The following SLF2 variants were observed in gnomAD, a reference collection of about 807,000 sequenced individuals.
SLF2 encodes SMC5-SMC6 complex localization factor protein 2.
A neutral mutation model predicts 124.3 loss-of-function variants in SLF2; 68 were observed. That is an observed-to-expected ratio of 0.55 (90% CI 0.45 to 0.67). SLF2 has a LOEUF of 0.67. Among genes scored for constraint, SLF2 ranks in the 30% least tolerant of loss-of-function variants. The pLI is 0.00. For synonymous variants in SLF2, 480 were observed against 478.8 expected (o/e 1.00, Z -0.03); for missense variants, 1,246 against 1,373.7 (o/e 0.91, Z 1.47).
At chr10:100,916,123 A>G (rs1309617149) in intron 2 of SLF2, 81 bp downstream of exon 2, 1 of 1,073,148 alleles carries the variant, frequency 9.3e-7, no homozygotes, top group African/African-American at 1.6e-5. Flanking sequence ...AACCTACTCT[A>G]AACTGTTTTA....
Position 100,926,005 on chromosome 10 carries a change from G to A in SLF2, c.2028G>A (p.Met676Ile). 1 of 1,613,768 alleles carries A rather than the reference G, an allele frequency of 6.2e-7. No individual in the cohort carries two copies. The highest frequency in any genetic ancestry group is 1.1e-5 in the South Asian group (1 of 91,038). The change falls in exon 6 of 20, where the codon ATG (methionine) becomes ATA (isoleucine). Residue 676 changes from methionine to isoleucine, a missense_variant. Physicochemically the swap from Met to Ile is conservative, Grantham distance 10. Around this residue, in one of 3 missense-constraint regions of SLF2, gnomAD observed 535 missense variants for 632.8 expected, o/e 0.85. Coordinates refer to ENST00000238961, the MANE Select transcript of SLF2 (RefSeq NM_018121.4). ...CCTTAGAACGTCTAGTGAAGGAAATGGAAGACACACAAAGGTTTGTTAGCA... is the reference window on the plus strand; with the variant it reads ...CCTTAGAACGTCTAGTGAAGGAAATAGAAGACACACAAAGGTTTGTTAGCA... ...TNTLERLVKEMEDTQRLDELQ... is the reference protein window; with the variant it reads ...TNTLERLVKEIEDTQRLDELQ...
intron 19 of SLF2, among the ~76,000 whole-genome samples, chr10:100,961,155 G>A (rs879436995): frequency 1.4e-4 from 21 of 151,636 alleles, no homozygotes; most frequent in Non-Finnish European, 2.2e-4. Flanking sequence ...GATTACAGGC[G>A]CCTGCCACCA....
At chr10:100,921,341 CA>C (rs1266831876) in intron 4 of SLF2, among the ~76,000 whole-genome samples, 3 of 152,220 alleles carry the variant, frequency 2.0e-5, no homozygotes, top group African/African-American at 7.2e-5. Context: ...CTCAGCCTCC[CA>C]AAGTGCTGGG....
intron 9 of SLF2, among the ~76,000 whole-genome samples, chr10:100,936,195 T>G (rs1303071733): frequency 6.6e-6 from 1 of 151,972 alleles, no homozygotes; most frequent in African/African-American, 2.4e-5. Flanking sequence ...TACACTCACC[T>G]GAGGCATTAA....
intron 1 of SLF2, among the ~76,000 whole-genome samples, chr10:100,915,664 A>G (rs1849400488): frequency 6.6e-6 from 1 of 152,196 alleles, no homozygotes; most frequent in South Asian, 2.1e-4. Context: ...GATACCCAAG[A>G]TGTTGCATTC....
At position 100,940,000 on chromosome 10, in the gene SLF2, C is replaced by G. The variant is rs572674927; in HGVS notation, c.2654+1264C>G. Among the ~76,000 whole-genome samples the G allele has an allele frequency of 4.6e-5, 7 of 152,228 alleles. No homozygotes were observed. In the East Asian group the frequency reaches 1.4e-3, roughly 29 times the overall value. ...GGAAAAATAGTTTACCCAGCCCATCCAAAAATCCCAACTATTTCCCCTAAA... is the reference window on the plus strand; with the variant it reads ...GGAAAAATAGTTTACCCAGCCCATCGAAAAATCCCAACTATTTCCCCTAAA... On this transcript the variant is annotated intron_variant, in intron 11 of 19. Coordinates refer to ENST00000238961, the MANE Select transcript of SLF2 (RefSeq NM_018121.4).
At chr10:100,923,282 G>A (rs564737215) in intron 4 of SLF2, among the ~76,000 whole-genome samples, 12 of 152,264 alleles carry the variant, frequency 7.9e-5, no homozygotes, top group African/African-American at 1.2e-4. Flanking sequence ...CAATAGGGCC[G>A]TAATGTCTCT....
intron 9 of SLF2, among the ~76,000 whole-genome samples, chr10:100,936,216 C>T (rs1425999339): frequency 6.6e-6 from 1 of 151,882 alleles, no homozygotes; most frequent in African/African-American, 2.4e-5. Context: ...GACTGCTTTC[C>T]TCTTTTCTAG....
chr10:100,964,638 GATACAAA>G lies in SLF2; in HGVS notation c.*2729_*2735del, dbSNP rs1168645626. ...CACAAAAATCTCCTCAAATGTAAAA[GATACAAA>G]ATGGCGTGTTATCATCCAGGCTTAG... On this transcript the variant is annotated 3_prime_UTR_variant, in exon 20 of 20. Coordinates refer to ENST00000238961, the MANE Select transcript of SLF2 (RefSeq NM_018121.4). 1.3e-5 allele frequency: 2 copies of G among 152,610 alleles called. No homozygotes were observed. Among genetic ancestry groups the G allele is most frequent in the African/African-American group, 4.8e-5 (2 of 41,440 alleles). The allele number at this position is 152,610 out of a possible 1,614,324, so 9.5% of individuals were successfully genotyped here.
chr10:100,922,390 A>G (rs556029920), intron 4 of SLF2, among the ~76,000 whole-genome samples: 3 of 152,242 alleles, frequency 2.0e-5, no homozygotes, highest in African/African-American at 7.2e-5. Flanking sequence ...CTAACTAGAG[A>G]AGGGATTGAC....
At chr10:100,961,003 T>TA (rs1850418170) in intron 19 of SLF2, among the ~76,000 whole-genome samples, 2 of 115,202 alleles carry the variant, frequency 1.7e-5, no homozygotes, top group Non-Finnish European at 3.7e-5. Flanking sequence ...TACTTCTTTT[T>TA]TTTTTTTTTT....
Position 100,916,742 on chromosome 10 carries a change from T to C in SLF2, c.357T>C (p.Val119=). 1 of 1,593,970 alleles carries C rather than the reference T, an allele frequency of 6.3e-7. No homozygotes were observed. The highest frequency in any genetic ancestry group is 8.5e-7 in the Non-Finnish European group (1 of 1,172,722). ...TTATAGAAGCTTTCATGAAAGGTGT[T>C]AAAGAGCACCATGAAGATCATGGTA... The part of the protein sequence containing the change: ...SPIIEAFMKG[V]KEHHEDHGIH... Residue 119 remains valine, a synonymous_variant, in exon 3 of 20, where the codon GTT becomes GTC. Transcript: ENST00000238961.
Position 100,926,035 on chromosome 10 carries a change from G to GA in SLF2, c.2042+17dup. On this transcript the variant is annotated intron_variant, in intron 6 of 19. Coordinates refer to ENST00000238961, the MANE Select transcript of SLF2 (RefSeq NM_018121.4). ...ACACACAAAGGTTTGTTAGCATAAA[G>GA]ATTAATTTGCTAAATTTAACATTTT... The GA allele has an allele frequency of 6.2e-7, 1 of 1,614,182 alleles. No homozygotes were observed. Among genetic ancestry groups the GA allele is most frequent in the Non-Finnish European group, 8.5e-7 (1 of 1,180,024 alleles).
rs1415407525 is a variant in SLF2, at chr10:100,962,444, AACC to A, written c.*535_*537del. The A allele has an allele frequency of 2.0e-5, 3 of 152,656 alleles. No homozygotes were observed. The highest frequency in any genetic ancestry group is 7.2e-5 in the African/African-American group (3 of 41,454). The allele number at this position is 152,656 out of a possible 1,614,324, so 9.5% of individuals were successfully genotyped here. A position where few individuals can be genotyped will look rare whatever the true frequency, so the allele number is the denominator to read the frequency against. ...ATAAATCTCTTCTGTAACTTTTATA[AACC>A]ACAGGGAGGTTTCAATCCATGCATT... is the stretch of plus-strand genomic sequence containing the variant. On this transcript the variant is annotated 3_prime_UTR_variant, in exon 20 of 20. Coordinates refer to ENST00000238961, the MANE Select transcript of SLF2 (RefSeq NM_018121.4).
In SLF2 at chr10:100,937,468, AT is replaced by A; in HGVS notation, c.2505del (p.Arg836GlufsTer20). Reference sequence around the variant, plus strand: ...TTTAAGTACATTGATGGAAATAACAATTAGAAATGGTAAGTATATCAACTTA... The same window carrying A: ...TTTAAGTACATTGATGGAAATAACAATAGAAATGGTAAGTATATCAACTTA... Reference protein sequence around the residue: ...QILSTLMEITIRNDTFSDSPV... With the variant: ...QILSTLMEITXRNDTFSDSPV... On this transcript the variant is annotated frameshift_variant, in exon 10 of 20. Coordinates refer to ENST00000238961, the MANE Select transcript of SLF2 (RefSeq NM_018121.4). LOFTEE classifies it high-confidence loss of function. 1 of 1,582,418 alleles carries A rather than the reference AT, an allele frequency of 6.3e-7. No individual in the cohort carries two copies. The highest frequency in any genetic ancestry group is 8.7e-7 in the Non-Finnish European group (1 of 1,151,248).
intron 11 of SLF2, among the ~76,000 whole-genome samples, chr10:100,940,682 C>T (rs1448654550): frequency 6.6e-6 from 1 of 151,358 alleles, no homozygotes; most frequent in Non-Finnish European, 1.5e-5. Flanking sequence ...AAGATACAAC[C>T]CCACTCACTG....
At chr10:100,926,605 CAAA>C (rs557928971) in intron 6 of SLF2, 5 of 139,102 alleles carry the variant, frequency 3.6e-5, no homozygotes, top group Non-Finnish European at 3.1e-5. Context: ...GACCCCGTCT[CAAA>C]AAAAAAAAAA....
intron 9 of SLF2, among the ~76,000 whole-genome samples, 177 bp from the exon 10 acceptor site, chr10:100,937,225 G>T (rs1412508609): frequency 6.6e-6 from 1 of 152,112 alleles, no homozygotes; most frequent in Admixed American, 6.6e-5. Context: ...TGCACAGGCT[G>T]GTCTCAAACT....
At chr10:100,943,002 T>C (rs1424592568) in intron 11 of SLF2, among the ~76,000 whole-genome samples, 1 of 150,586 alleles carries the variant, frequency 6.6e-6, no homozygotes, top group East Asian at 2.0e-4. Flanking sequence ...GAGGGCCCAT[T>C]ACACGGGCCT....
Sources: allele counts gnomAD v4.1 joint callset (sites outside exome capture counted in the v4.1 genomes callset), GRCh38; gene constraint gnomAD v4.1.1; regional missense constraint gnomAD v4.1.1; transcripts MANE v1.5; gene names NCBI Gene and HGNC (gene_info 2026-07-23, HGNC 2026-07-21).